Variants in ZNF704 observed in about 807,000 individuals in gnomAD.
ZNF704 encodes zinc finger protein 704.
A neutral mutation model predicts 44.7 loss-of-function variants in ZNF704; 10 were observed. That is an observed-to-expected ratio of 0.22 (90% CI 0.14 to 0.38). The LOEUF is 0.38. Ranked by LOEUF, ZNF704 falls within the 10% of genes least tolerant of loss-of-function variation. The probability of loss-of-function intolerance (pLI) is 1.00; values close to 1 mark genes in which losing one functional copy is unlikely to be tolerated. For synonymous variants in ZNF704, 211 were observed against 207.6 expected (o/e 1.02, Z -0.14); for missense variants, 390 against 545.5 (o/e 0.71, Z 2.84).
At chr8:80,807,917 C>A (rs1312236125) in intron 2 of ZNF704, among the ~76,000 whole-genome samples, 1 of 152,182 alleles carries the variant, frequency 6.6e-6, no homozygotes, top group African/African-American at 2.4e-5. Context: ...TTGAAGGAGG[C>A]AGTGAAATCC....
At chr8:80,644,285 GTCCC>G (rs1441985207) in intron 7 of ZNF704, among the ~76,000 whole-genome samples, 1 of 152,044 alleles carries the variant, frequency 6.6e-6, no homozygotes, top group Admixed American at 6.6e-5. Context: ...TTGCTTTTCT[GTCCC>G]TCAGTCATAG....
At chr8:80,713,392 G>A (rs964984437) in intron 2 of ZNF704, among the ~76,000 whole-genome samples, 26 of 152,102 alleles carry the variant, frequency 1.7e-4, no homozygotes, top group Admixed American at 9.2e-4. Context: ...ACTGCGGCTC[G>A]AATTATAGAT....
chr8:80,755,313 C>T (rs113924631), intron 2 of ZNF704, among the ~76,000 whole-genome samples: 17 of 151,980 alleles, frequency 1.1e-4, no homozygotes, highest in Non-Finnish European at 2.2e-4. Context: ...AAATTAGCCA[C>T]GTGTGGTGGT....
chr8:80,765,296 G>A (rs1807209805), intron 2 of ZNF704, among the ~76,000 whole-genome samples: 1 of 152,120 alleles, frequency 6.6e-6, no homozygotes, highest in South Asian at 2.1e-4. Flanking sequence ...TGCCAGCATT[G>A]AGGGCAGATC....
intron 1 of ZNF704, among the ~76,000 whole-genome samples, chr8:80,839,177 G>A (rs1323719723): frequency 2.0e-5 from 3 of 152,080 alleles, no homozygotes; most frequent in Non-Finnish European, 4.4e-5. Context: ...CTAACCTAAC[G>A]CCTCTAATTC....
chr8:80,838,234 C>CTT (rs1197504511), intron 1 of ZNF704, among the ~76,000 whole-genome samples: 1 of 152,186 alleles, frequency 6.6e-6, no homozygotes, highest in Non-Finnish European at 1.5e-5. Context: ...TCAACAGAAA[C>CTT]TTTAAGACAT....
chr8:80,747,975 A>G (rs1009763286), intron 2 of ZNF704, among the ~76,000 whole-genome samples: 4 of 152,198 alleles, frequency 2.6e-5, no homozygotes, highest in Admixed American at 2.0e-4. Flanking sequence ...TCGGCCTCCC[A>G]AAGTGCCAGG....
In ZNF704 at chr8:80,633,844, G is replaced by C. The variant is rs1817624908; in HGVS notation, c.*7522C>G. 6.6e-6 allele frequency: 1 copy of C among 152,120 alleles called. No individual in the cohort carries two copies. Among genetic ancestry groups the C allele is most frequent in the South Asian group, 2.1e-4 (1 of 4,824 alleles). The allele number at this position is 152,120 out of a possible 1,614,324, so 9.4% of individuals were successfully genotyped here. A position where few individuals can be genotyped will look rare whatever the true frequency, so the allele number is the denominator to read the frequency against. Reference sequence around the variant, plus strand: ...AATAACTTAGTCCATCTAAATGAAGGAAGCAACTTCTAATTTTTTTCATGA... The same window carrying C: ...AATAACTTAGTCCATCTAAATGAAGCAAGCAACTTCTAATTTTTTTCATGA... On this transcript the variant is annotated 3_prime_UTR_variant, in exon 9 of 9. Transcript: ENST00000327835.
At chr8:80,753,040 G>A (rs1030764391) in intron 2 of ZNF704, among the ~76,000 whole-genome samples, 2 of 152,110 alleles carry the variant, frequency 1.3e-5, no homozygotes, top group Non-Finnish European at 2.9e-5. Flanking sequence ...GCAAAGCGAT[G>A]TTTTTTTATA....
intron 1 of ZNF704, among the ~76,000 whole-genome samples, chr8:80,871,657 A>G (rs1410299235): frequency 1.3e-5 from 2 of 152,260 alleles, no homozygotes; most frequent in Non-Finnish European, 2.9e-5. Flanking sequence ...AATAGCTGCT[A>G]GCACATAATA....
chr8:80,651,516 C>A (rs573510418), intron 7 of ZNF704, among the ~76,000 whole-genome samples: 1 of 152,200 alleles, frequency 6.6e-6, no homozygotes, highest in East Asian at 1.9e-4. Flanking sequence ...GGGTTGCAAC[C>A]CTGGTCTCTG....
chr8:80,874,472 T>C lies in ZNF704; in HGVS notation c.-22+99A>G, dbSNP rs1254055151. The C allele has an allele frequency of 6.6e-6, 1 of 151,490 alleles. No homozygotes were observed. The highest frequency in any genetic ancestry group is 1.5e-5 in the Non-Finnish European group (1 of 67,802). The allele number at this position is 151,490 out of a possible 1,614,324, so 9.4% of individuals were successfully genotyped here. On this transcript the variant is annotated intron_variant, in intron 1 of 8. Transcript: ENST00000327835. The surrounding 1 kb of genome is among the most constrained non-coding windows in gnomAD (Gnocchi z 4.4). ...CTCGGCGCGAGCTGTTTGTGTTGTA[T>C]GTTTTCCACCACCGCCCCCCTCTTC...
chr8:80,767,216 A>G lies in ZNF704; in HGVS notation c.221+54158T>C, dbSNP rs569722270. ...CCTTTGTTCTAAAGATGCCTCACAAATCTGTCATCTTTCAAAGACTTGTAA... is the reference window on the plus strand; with the variant it reads ...CCTTTGTTCTAAAGATGCCTCACAAGTCTGTCATCTTTCAAAGACTTGTAA... On this transcript the variant is annotated intron_variant, in intron 2 of 8. Transcript: ENST00000327835. Among the ~76,000 whole-genome samples, 27 of 152,264 alleles carry G rather than the reference A, an allele frequency of 1.8e-4. No individual in the cohort carries two copies. The South Asian group carries it at 5.6e-3, about 32-fold the overall frequency.
intron 1 of ZNF704, among the ~76,000 whole-genome samples, chr8:80,824,741 A>C (rs1051615510): frequency 3.3e-5 from 5 of 152,226 alleles, no homozygotes; most frequent in African/African-American, 4.8e-5. Flanking sequence ...AGAAACTCTA[A>C]AAGCCAGAAG....
At chr8:80,651,550 A>G (rs908075164) in intron 7 of ZNF704, among the ~76,000 whole-genome samples, 6 of 152,196 alleles carry the variant, frequency 3.9e-5, no homozygotes, top group Admixed American at 2.0e-4. Context: ...TAAACCAACA[A>G]AGATCAAAAG....
At chr8:80,800,016 A>G (rs1160322092) in intron 2 of ZNF704, among the ~76,000 whole-genome samples, 1 of 152,212 alleles carries the variant, frequency 6.6e-6, no homozygotes, top group East Asian at 1.9e-4. Flanking sequence ...AGAACTTCAC[A>G]ATGCAATCAT....
At chr8:80,656,116 G>C (rs770830333) in intron 7 of ZNF704, among the ~76,000 whole-genome samples, 25 of 152,200 alleles carry the variant, frequency 1.6e-4, no homozygotes, top group Admixed American at 9.8e-4. Context: ...AGAGGCTGGT[G>C]CATTCCTCCA....
the ZNF704 span, among the ~76,000 whole-genome samples, chr8:80,882,921 T>C: frequency 1.3e-5 from 2 of 151,978 alleles, no homozygotes; most frequent in African/African-American, 2.4e-5. Context: ...CCTTAATTAA[T>C]CCTTCATCCT....
At chr8:80,727,122 G>A (rs906349101) in intron 2 of ZNF704, among the ~76,000 whole-genome samples, 1 of 152,072 alleles carries the variant, frequency 6.6e-6, no homozygotes, top group African/African-American at 2.4e-5. Flanking sequence ...ACAAACTTAG[G>A]TTGCCTGACT....
Sources: allele counts gnomAD v4.1 joint callset (sites outside exome capture counted in the v4.1 genomes callset), GRCh38; gene constraint gnomAD v4.1.1; non-coding constraint Gnocchi (gnomAD v3.1); transcripts MANE v1.5; gene names NCBI Gene and HGNC (gene_info 2026-07-23, HGNC 2026-07-21).